TBC1D2: variants seen among roughly 807,000 people sequenced by gnomAD.
TBC1D2 encodes TBC1 domain family member 2.
A neutral mutation model predicts 91.1 loss-of-function variants in TBC1D2; 58 were observed. The observed-to-expected ratio is 0.64, with a 90% CI of 0.52 to 0.79. The LOEUF is 0.79. Among genes scored for constraint, TBC1D2 ranks in the 30% least tolerant of loss-of-function variants. TBC1D2 has a pLI of 0.00. For synonymous variants in TBC1D2, 482 were observed against 511.5 expected (o/e 0.94, Z 0.78); for missense variants, 1,080 against 1,208.3 (o/e 0.89, Z 1.57).
intron 2 of TBC1D2, among the ~76,000 whole-genome samples, chr9:98,250,582 A>C (rs552763516): frequency 2.0e-5 from 3 of 152,082 alleles, no homozygotes; most frequent in Non-Finnish European, 4.4e-5. Flanking sequence ...AGTGGGTACA[A>C]GAGGGGAAAT....
chr9:98,226,125 T>C (rs557249540), intron 5 of TBC1D2, among the ~76,000 whole-genome samples: 45 of 152,336 alleles, frequency 3.0e-4, no homozygotes, highest in African/African-American at 1.0e-3. Context: ...CACCCAGAAG[T>C]TGTGCTGGCT....
chr9:98,236,942 T>TC (rs1368698198), intron 3 of TBC1D2, among the ~76,000 whole-genome samples: 1 of 143,772 alleles, frequency 7.0e-6, no homozygotes, highest in Non-Finnish European at 1.5e-5. Flanking sequence ...TTTTTTTTTT[T>TC]CCTCATTCAA....
chr9:98,203,345 G>A lies in TBC1D2; in HGVS notation c.2214C>T (p.Ala738=), dbSNP rs1828560943. ...EEESAFWCLV[A]IVETIMPADY... is the part of the protein sequence containing the mutation. ...CAGCGGGCATGATGGTCTCCACAATGGCCACCAGGCACCAGAAGGCGCTCT... is the reference window on the plus strand; with the variant it reads ...CAGCGGGCATGATGGTCTCCACAATAGCCACCAGGCACCAGAAGGCGCTCT... Residue 738 remains alanine (A), a synonymous_variant, in exon 10 of 13, where the codon GCC becomes GCT. Transcript: ENST00000465784. The A allele has an allele frequency of 6.2e-7, 1 of 1,614,112 alleles. No individual in the cohort carries two copies. The highest frequency in any genetic ancestry group is 1.3e-5 in the African/African-American group (1 of 74,938).
At chr9:98,209,250 T>G (rs761606753) in intron 8 of TBC1D2, 106 bp from the exon 9 acceptor site, 14 of 1,102,060 alleles carry the variant, frequency 1.3e-5, no homozygotes, top group Non-Finnish European at 1.9e-5. Flanking sequence ...CTGCCTTCAC[T>G]GAGGGTTAAC....
Position 98,233,405 on chromosome 9 carries a change from CA to C in TBC1D2, c.781+10del. 6.2e-7 allele frequency: 1 copy of C among 1,612,710 alleles called. No individual in the cohort carries two copies. Among genetic ancestry groups the C allele is most frequent in the Non-Finnish European group, 8.5e-7 (1 of 1,179,290 alleles). ...TCCCTGAAGGCAGCTCAGCCCTGGA[CA>C]GAGGCTCACCTGGGGTGCTGGCGTC... On this transcript the variant is annotated intron_variant, in intron 4 of 12. Coordinates refer to ENST00000465784, the MANE Select transcript of TBC1D2 (RefSeq NM_001267571.2).
rs59871511 is a variant in TBC1D2, at chr9:98,244,659, C to CAAAAAAAAA, written c.512-539_512-531dup. Among the ~76,000 whole-genome samples, 5 of 46,896 alleles carry CAAAAAAAAA rather than the reference C, an allele frequency of 1.1e-4. 2 individuals carry two copies. Among genetic ancestry groups the CAAAAAAAAA allele is most frequent in the African/African-American group, 2.3e-4 (3 of 12,936 alleles). The allele number at this position is 46,896 out of a possible 152,430, so 30.8% of individuals were successfully genotyped here. A position where few individuals can be genotyped will look rare whatever the true frequency, so the allele number is the denominator to read the frequency against. ...GGGCAACAAGAGTGAAACTCCGTCT[C>CAAAAAAAAA]AAAAAAAAAAAAAAAAAAAAAAAAG... On this transcript the variant is annotated intron_variant, in intron 2 of 12. Transcript: ENST00000465784.
At chr9:98,244,930 G>C (rs1192140802) in intron 2 of TBC1D2, among the ~76,000 whole-genome samples, 4 of 152,062 alleles carry the variant, frequency 2.6e-5, no homozygotes, top group Non-Finnish European at 5.9e-5. Flanking sequence ...ATAATATTAA[G>C]TGGAAAAAGC....
intron 3 of TBC1D2, among the ~76,000 whole-genome samples, chr9:98,233,871 A>G (rs1211390595): frequency 6.6e-6 from 1 of 152,220 alleles, no homozygotes; most frequent in African/African-American, 2.4e-5. Flanking sequence ...TAACTGATGC[A>G]CCTACAATGC....
At position 98,200,336 on chromosome 9, in the gene TBC1D2, G is replaced by A. The variant is rs376415951; in HGVS notation, c.2496C>T (p.Asn832=). 4.0e-5 allele frequency: 64 copies of A among 1,612,870 alleles called. No homozygotes were observed. Among genetic ancestry groups the A allele is most frequent in the Admixed American group, 8.3e-5 (5 of 59,888 alleles). ...FRYALAIFKY[N]EKEILRLQNG... ...TCTGTAGCCTCAAGATCTCCTTCTCGTTGTACTTGAAAATGGCCAAGGCAT... is the reference window on the plus strand; with the variant it reads ...TCTGTAGCCTCAAGATCTCCTTCTCATTGTACTTGAAAATGGCCAAGGCAT... The change falls in exon 12 of 13, where the codon AAC becomes AAT. Residue 832 remains asparagine (N), a synonymous_variant. Coordinates refer to ENST00000465784, the MANE Select transcript of TBC1D2 (RefSeq NM_001267571.2).
intron 2 of TBC1D2, among the ~76,000 whole-genome samples, chr9:98,249,354 C>T (rs904751672): frequency 4.6e-5 from 7 of 152,182 alleles, no homozygotes; most frequent in African/African-American, 7.2e-5. Context: ...AGAGGCCCGC[C>T]GTGTGTGCTG....
At chr9:98,209,815 C>T (rs377016566) in intron 8 of TBC1D2, among the ~76,000 whole-genome samples, 290 of 132,982 alleles carry the variant, frequency 2.2e-3, no homozygotes, top group African/African-American at 8.4e-3. Context: ...TCTTTCTTTC[C>T]CTCCCTTCCC....
chr9:98,239,570 C>T (rs928235648), intron 3 of TBC1D2, among the ~76,000 whole-genome samples: 3 of 152,092 alleles, frequency 2.0e-5, no homozygotes, highest in South Asian at 2.1e-4. Flanking sequence ...GAATTCAGTT[C>T]GCTAGTATTT....
At chr9:98,247,448 G>A (rs1829788242) in intron 2 of TBC1D2, among the ~76,000 whole-genome samples, 1 of 152,002 alleles carries the variant, frequency 6.6e-6, no homozygotes, top group Non-Finnish European at 1.5e-5. Context: ...GTAAAGCTGG[G>A]CTGGGCACGA....
rs2118969528 is a variant in TBC1D2, at chr9:98,199,447, C to G, written c.2721G>C (p.Arg907=). 2.5e-6 allele frequency: 4 copies of G among 1,614,112 alleles called. No individual in the cohort carries two copies. The highest frequency in any genetic ancestry group is 3.4e-6 in the Non-Finnish European group (4 of 1,180,040). Residue 907 remains arginine, a synonymous_variant, in exon 13 of 13, where the codon CGG becomes CGC. Coordinates refer to ENST00000465784, the MANE Select transcript of TBC1D2 (RefSeq NM_001267571.2). The stretch of plus-strand genomic sequence containing the variant: ...CGGACACAGCTCTGCGCCGGGATGC[C>G]CGCCTCTCCAGGTACTCTGCCTTAA... ...EQLKAEYLER[R]ASRRRAVSEG...
At chr9:98,203,820 T>C (rs1169621501) in intron 9 of TBC1D2, among the ~76,000 whole-genome samples, 3 of 152,154 alleles carry the variant, frequency 2.0e-5, no homozygotes, top group African/African-American at 7.2e-5. Context: ...TTATAAATGT[T>C]AGCTATCCTC....
At chr9:98,214,168 C>G (rs1025135639) in intron 6 of TBC1D2, among the ~76,000 whole-genome samples, 36 of 152,176 alleles carry the variant, frequency 2.4e-4, no homozygotes, top group Non-Finnish European at 4.6e-4. Flanking sequence ...GCAAGCGATG[C>G]TGCAGCAAGG....
intron 4 of TBC1D2, among the ~76,000 whole-genome samples, chr9:98,230,685 G>A (rs1254538760): frequency 1.3e-5 from 2 of 152,144 alleles, no homozygotes; most frequent in East Asian, 1.9e-4. Context: ...GTAATCCTAG[G>A]ACTTTGGGAG....
chr9:98,236,232 G>A (rs1161855153), intron 3 of TBC1D2, among the ~76,000 whole-genome samples: 1 of 150,604 alleles, frequency 6.6e-6, no homozygotes, highest in African/African-American at 2.4e-5. Flanking sequence ...GATTTTTGTT[G>A]TTGTTGTTTG....
At chr9:98,239,227 T>G (rs1156729043) in intron 3 of TBC1D2, among the ~76,000 whole-genome samples, 1 of 151,802 alleles carries the variant, frequency 6.6e-6, no homozygotes, top group Non-Finnish European at 1.5e-5. Context: ...CCCAGCTAAT[T>G]TTTTGTAGAG....
Sources: gnomAD v4.1 joint callset for allele counts (sites outside exome capture counted in the v4.1 genomes callset) on GRCh38, gnomAD v4.1.1 for gene constraint, MANE v1.5 for transcripts, NCBI Gene and HGNC (gene_info 2026-07-23, HGNC 2026-07-21) for gene names.